Variants in AGO4 observed in about 807,000 individuals in gnomAD.
AGO4 encodes argonaute RISC component 4.
A neutral mutation model predicts 104.7 loss-of-function variants in AGO4; 33 were observed. The observed-to-expected ratio is 0.32, with a 90% confidence interval of 0.24 to 0.42. The LOEUF (loss-of-function observed/expected upper bound fraction) is 0.42, where lower values mean the gene tolerates loss of function less well. Ranked by LOEUF, AGO4 falls within the 10% of genes least tolerant of loss-of-function variation. The pLI is 1.00. For missense variants in AGO4, 711 were observed against 1,083.4 expected, an observed-to-expected ratio of 0.66 and a Z score of 4.83; for synonymous variants, 331 against 364.7, an observed-to-expected ratio of 0.91 and a Z score of 1.05.
In AGO4 at chr1:35,841,254, C is replaced by A; in HGVS notation, c.1814C>A (p.Ala605Asp). 1 of 1,614,148 alleles carries A rather than the reference C, an allele frequency of 6.2e-7. No homozygotes were observed. The highest frequency in any genetic ancestry group is 8.5e-7 in the Non-Finnish European group (1 of 1,180,026). The change falls in exon 14 of 18, where the codon GCT (alanine) becomes GAT (aspartate). Residue 605 changes from alanine (A) to aspartate (D), a missense_variant. Transcript: ENST00000373210. This position sits in a 1 kb window ranked among gnomAD's most constrained non-coding sequence, Gnocchi z 4.7. ...AGDGKKPSIA[A>D]VVGSMDGHPS... ...GATGGGAAGAAACCTTCCATTGCTG[C>A]TGTGGTTGGCAGTATGGATGGCCAC...
At chr1:35,849,293 G>A (rs960004389) in intron 15 of AGO4, among the ~76,000 whole-genome samples, 2 of 152,082 alleles carry the variant, frequency 1.3e-5, no homozygotes, top group Admixed American at 6.6e-5. Flanking sequence ...ATAGTTGCAA[G>A]GCTAGGCCTA....
At chr1:35,840,851 G>A (rs1387878420) in intron 13 of AGO4, among the ~76,000 whole-genome samples, 2 of 152,198 alleles carry the variant, frequency 1.3e-5, no homozygotes, top group Non-Finnish European at 2.9e-5. Flanking sequence ...CTGGGCTCAA[G>A]CAGTCCTTCC....
intron 1 of AGO4, among the ~76,000 whole-genome samples, chr1:35,815,270 T>C (rs1455307367): frequency 6.6e-6 from 1 of 152,222 alleles, no homozygotes; most frequent in African/African-American, 2.4e-5. Context: ...GTTGTAACTT[T>C]CCATTGTAAC....
At chr1:35,846,191 C>G (rs1318116642) in intron 15 of AGO4, among the ~76,000 whole-genome samples, 1 of 152,152 alleles carries the variant, frequency 6.6e-6, no homozygotes, top group African/African-American at 2.4e-5. Context: ...CCCAATTTTC[C>G]TTTTATTCTA....
intron 17 of AGO4, among the ~76,000 whole-genome samples, chr1:35,852,812 G>A (rs1314202918): frequency 6.6e-6 from 1 of 152,176 alleles, no homozygotes; most frequent in Non-Finnish European, 1.5e-5. Flanking sequence ...AGTCAAAGAA[G>A]ATTTCTGTGC....
intron 15 of AGO4, among the ~76,000 whole-genome samples, chr1:35,847,801 A>T (rs1012955493): frequency 1.3e-5 from 2 of 152,116 alleles, no homozygotes; most frequent in African/African-American, 4.8e-5. Flanking sequence ...TTAAATTTTT[A>T]AACATGTTAA....
intron 7 of AGO4, among the ~76,000 whole-genome samples, chr1:35,827,913 C>T (rs1042687273): frequency 6.7e-6 from 1 of 150,006 alleles, no homozygotes; most frequent in African/African-American, 2.5e-5. Flanking sequence ...ACCACACTCG[C>T]CTAATTTTTT....
Position 35,808,988 on chromosome 1 carries a change from G to A in AGO4, c.19+553G>A, listed in dbSNP as rs572576506. Among the ~76,000 whole-genome samples, 4 of 152,318 alleles carry A rather than the reference G, an allele frequency of 2.6e-5. No homozygotes were observed. The East Asian group carries it at 5.8e-4, about 22-fold the overall frequency. Reference sequence around the variant, plus strand: ...ATGCCCACCCTTTCTGAAAGGCCCTGATGTCCCAAAGAACATGGTCCTGTG... The same window carrying A: ...ATGCCCACCCTTTCTGAAAGGCCCTAATGTCCCAAAGAACATGGTCCTGTG... On this transcript the variant is annotated intron_variant, in intron 1 of 17. Transcript: ENST00000373210. This position sits in a 1 kb window ranked among gnomAD's most constrained non-coding sequence, Gnocchi z 5.2.
chr1:35,849,518 C>CAAAA (rs754902083), intron 15 of AGO4, among the ~76,000 whole-genome samples: 2 of 59,406 alleles, frequency 3.4e-5, no homozygotes, highest in Admixed American at 2.0e-4. Flanking sequence ...CCCCGTGTCT[C>CAAAA]AAAAAAAAAA....
intron 1 of AGO4, among the ~76,000 whole-genome samples, chr1:35,814,997 C>G (rs1190212815): frequency 6.6e-6 from 1 of 152,132 alleles, no homozygotes; most frequent in African/African-American, 2.4e-5. Flanking sequence ...CCTGCCTCAG[C>G]CTCCTGAGTA....
Position 35,825,713 on chromosome 1 carries a change from C to G in AGO4, c.523C>G (p.Pro175Ala). 1 of 1,580,114 alleles carries G rather than the reference C, an allele frequency of 6.3e-7. No individual in the cohort carries two copies. The highest frequency in any genetic ancestry group is 8.6e-7 in the Non-Finnish European group (1 of 1,168,022). ...TPVGRSFFSP[P>A]EGYYHPLGGG... ...AGTGGGCCGTTCCTTTTTCTCACCC[C>G]CGGAAGGTTACTACCACCCTCTGGG... is the stretch of plus-strand genomic sequence containing the variant. The change falls in exon 5 of 18, where the codon CCG (proline) becomes GCG (alanine). Residue 175 changes from proline to alanine, a missense_variant. Pro to Ala is a conservative substitution (Grantham distance 27). This residue lies in a region of AGO4 where 308 missense variants were observed against 397.8 expected (regional missense o/e 0.77). Coordinates refer to ENST00000373210, the MANE Select transcript of AGO4 (RefSeq NM_017629.4).
In AGO4 at chr1:35,856,822, A is replaced by AC. The variant is rs1644826112; in HGVS notation, c.*3217_*3218insC. On this transcript the variant is annotated 3_prime_UTR_variant, in exon 18 of 18. Transcript: ENST00000373210. The stretch of plus-strand genomic sequence containing the variant: ...CAACAAGAGCGAAACTCTGTCTCAA[A>AC]AAAAAAAAGGGGGGGGGGGGACATT... 3.3e-5 allele frequency: 1 copy of AC among 30,764 alleles called. No homozygotes were observed. The highest frequency in any genetic ancestry group is 1.1e-4 in the African/African-American group (1 of 9,286). 1.9% of individuals were successfully genotyped at this position (30,764 alleles called of 1,614,324 possible). A position where few individuals can be genotyped will look rare whatever the true frequency, so the allele number is the denominator to read the frequency against.
At chr1:35,837,917 C>T (rs1644352317) in intron 13 of AGO4, among the ~76,000 whole-genome samples, 1 of 152,096 alleles carries the variant, frequency 6.6e-6, no homozygotes, top group East Asian at 1.9e-4. Context: ...AGGTCTCACT[C>T]TGTCACCCAG....
intron 1 of AGO4, among the ~76,000 whole-genome samples, chr1:35,816,582 C>T (rs540787943): frequency 1.3e-5 from 2 of 152,010 alleles, no homozygotes; most frequent in South Asian, 2.1e-4. Context: ...AGGTGGATCA[C>T]GAGGTCAGGA....
rs1278815569 is a variant in AGO4, at chr1:35,855,499, A to G, written c.*1894A>G. 1 of 152,574 alleles carries G rather than the reference A, an allele frequency of 6.6e-6. No homozygotes were observed. The highest frequency in any genetic ancestry group is 1.5e-5 in the Non-Finnish European group (1 of 68,032). 9.5% of individuals were successfully genotyped at this position (152,574 alleles called of 1,614,324 possible). A position where few individuals can be genotyped will look rare whatever the true frequency, so the allele number is the denominator to read the frequency against. ...GTGTTTGCTGAGACTGGTCTCTGAG[A>G]GAGTTTTATGTCGATCGAGGCCTGT... On this transcript the variant is annotated 3_prime_UTR_variant, in exon 18 of 18. Transcript: ENST00000373210.
chr1:35,836,102 A>G (rs1161385003), intron 13 of AGO4, 109 bp downstream of exon 13: 16 of 1,221,654 alleles, frequency 1.3e-5, no homozygotes, highest in Non-Finnish European at 1.7e-5. Flanking sequence ...TCTCTTGTAT[A>G]TATATGCACC....
rs369653734 is a variant in AGO4, at chr1:35,831,458, A to G, written c.880A>G (p.Met294Val). Residue 294 changes from methionine to valine, a missense_variant, in exon 8 of 18, where the codon ATG becomes GTG. Met to Val is a conservative substitution (Grantham distance 21). This residue lies in a region of AGO4 where 308 missense variants were observed against 397.8 expected (regional missense o/e 0.77). Coordinates refer to ENST00000373210, the MANE Select transcript of AGO4 (RefSeq NM_017629.4). ...TTTGCAGCTAGAAAACGGTCAAGCT[A>G]TGGAATGTACAGTAGCTCAATATTT... The part of the protein sequence containing the change: ...FPLQLENGQA[M>V]ECTVAQYFKQ... 1.1e-5 allele frequency: 18 copies of G among 1,613,412 alleles called. No individual in the cohort carries two copies. The African/African-American group carries it at 1.3e-4, about 12-fold the overall frequency.
chr1:35,810,517 A>G, intron 1 of AGO4, among the ~76,000 whole-genome samples: 1 of 152,086 alleles, frequency 6.6e-6, no homozygotes, highest in East Asian at 1.9e-4. Context: ...ATTTCCACTT[A>G]TTTTGGTAAT....
At chr1:35,814,056 C>T (rs1437893657) in intron 1 of AGO4, among the ~76,000 whole-genome samples, 6 of 134,050 alleles carry the variant, frequency 4.5e-5, no homozygotes, top group Non-Finnish European at 7.7e-5. Context: ...GCCTGGGCAA[C>T]AGTGTGAGAC....
Sources: allele counts gnomAD v4.1 joint callset (sites outside exome capture counted in the v4.1 genomes callset), GRCh38; gene constraint gnomAD v4.1.1; regional missense constraint gnomAD v4.1.1; non-coding constraint Gnocchi (gnomAD v3.1); transcripts MANE v1.5; gene names NCBI Gene and HGNC (gene_info 2026-07-23, HGNC 2026-07-21).